The following CACNA1B variants were observed in gnomAD, a reference collection of about 807,000 sequenced individuals.
The protein encoded by CACNA1B is voltage-dependent N-type calcium channel subunit alpha-1B.
A neutral mutation model predicts 247.2 loss-of-function variants in CACNA1B; 70 were observed. The observed-to-expected ratio is 0.28, with a 90% CI of 0.23 to 0.35. CACNA1B has a LOEUF of 0.35. Ranked by LOEUF, CACNA1B falls within the 10% of genes least tolerant of loss-of-function variation. The pLI, the probability that CACNA1B is intolerant of heterozygous loss-of-function variation, is 1.00. For missense variants in CACNA1B, 2,367 were observed against 3,197.4 expected (o/e 0.74, Z 6.26); for synonymous variants, 1,231 against 1,294.4 (o/e 0.95, Z 1.05).
chr9:138,053,780 C>A, intron 25 of CACNA1B, 66 bp from the exon 26 acceptor site: 1 of 1,292,966 alleles, frequency 7.7e-7, no homozygotes, highest in East Asian at 2.3e-5. Flanking sequence ...TACCCTTCCC[C>A]CTCATGGCCC....
chr9:138,023,175 C>G lies in CACNA1B; in HGVS notation c.2432C>G (p.Thr811Arg). ...CGCCACCTGCGGCCCGACATGAAGACGCACCTGGACCGGCCGCTGGTGGTG... is the reference window on the plus strand; with the variant it reads ...CGCCACCTGCGGCCCGACATGAAGAGGCACCTGGACCGGCCGCTGGTGGTG... ...TTRHLRPDMK[T>R]HLDRPLVVEL... is the part of the protein sequence containing the mutation. The change falls in exon 19 of 47, where the codon ACG (threonine) becomes AGG (arginine). Residue 811 changes from threonine to arginine, a missense_variant. This residue lies in a region of CACNA1B where 631 missense variants were observed against 631.1 expected (regional missense o/e 1.00). Coordinates refer to ENST00000371372, the MANE Select transcript of CACNA1B (RefSeq NM_000718.4). 6.5e-7 allele frequency: 1 copy of G among 1,526,792 alleles called. No homozygotes were observed. The highest frequency in any genetic ancestry group is 8.7e-7 in the Non-Finnish European group (1 of 1,144,818). The allele number at this position is 1,526,792 out of a possible 1,614,324, so 94.6% of individuals were successfully genotyped here. A position where few individuals can be genotyped will look rare whatever the true frequency, so the allele number is the denominator to read the frequency against.
In CACNA1B at chr9:138,023,570, C is replaced by T; in HGVS notation, c.2827C>T (p.Pro943Ser). ...CCACCGCGCGCACCGGCACCAGGATCCGAGCAAGGAGTGCGCCGGCGCCAA... is the reference window on the plus strand; with the variant it reads ...CCACCGCGCGCACCGGCACCAGGATTCGAGCAAGGAGTGCGCCGGCGCCAA... ...RRHRAHRHQD[P>S]SKECAGAKGE... is the part of the protein sequence containing the mutation. Residue 943 changes from proline to serine, a missense_variant, in exon 19 of 47, where the codon CCG (proline) becomes TCG (serine). Physicochemically the swap from Pro to Ser is moderately conservative, Grantham distance 74. Around this residue, in one of 12 missense-constraint regions of CACNA1B, gnomAD observed 631 missense variants for 631.1 expected, o/e 1.00. Transcript: ENST00000371372. 1.8e-6 allele frequency: 2 copies of T among 1,092,306 alleles called. No homozygotes were observed. The highest frequency in any genetic ancestry group is 3.0e-5 in the South Asian group (1 of 33,032). The allele number at this position is 1,092,306 out of a possible 1,614,324, so 67.7% of individuals were successfully genotyped here. A position where few individuals can be genotyped will look rare whatever the true frequency, so the allele number is the denominator to read the frequency against.
chr9:138,044,790 C>T (rs775792599), intron 21 of CACNA1B, among the ~76,000 whole-genome samples: 5 of 152,242 alleles, frequency 3.3e-5, no homozygotes, highest in Non-Finnish European at 5.9e-5. Flanking sequence ...ACCACCCAAC[C>T]GTCTTTCTAC....
At chr9:137,901,425 A>G (rs1564881331) in intron 3 of CACNA1B, among the ~76,000 whole-genome samples, 1 of 152,258 alleles carries the variant, frequency 6.6e-6, no homozygotes, top group South Asian at 2.1e-4. Flanking sequence ...TCCCGGGTTC[A>G]AGTGATTTTC....
At chr9:138,044,577 A>G (rs746415145) in intron 21 of CACNA1B, among the ~76,000 whole-genome samples, 3 of 152,200 alleles carry the variant, frequency 2.0e-5, no homozygotes, top group Non-Finnish European at 4.4e-5. Flanking sequence ...CTTAGATGAG[A>G]AGGTCAGGTG....
chr9:138,108,931 C>CGTGA, intron 39 of CACNA1B, among the ~76,000 whole-genome samples: 1 of 152,320 alleles, frequency 6.6e-6, no homozygotes, highest in East Asian at 1.9e-4. Context: ...GGATTACAGG[C>CGTGA]GTGAGCCACT....
chr9:138,023,313 A>G lies in CACNA1B; in HGVS notation c.2570A>G (p.Lys857Arg). 1.3e-6 allele frequency: 2 copies of G among 1,512,342 alleles called. No individual in the cohort carries two copies. Among genetic ancestry groups the G allele is most frequent in the Non-Finnish European group, 1.8e-6 (2 of 1,138,080 alleles). The allele number at this position is 1,512,342 out of a possible 1,614,324, so 93.7% of individuals were successfully genotyped here. A position where few individuals can be genotyped will look rare whatever the true frequency, so the allele number is the denominator to read the frequency against. The change falls in exon 19 of 47, where the codon AAG (lysine) becomes AGG (arginine). Residue 857 changes from lysine (K) to arginine (R), a missense_variant. Physicochemically the swap from Lys to Arg is conservative, Grantham distance 26. Coordinates refer to ENST00000371372, the MANE Select transcript of CACNA1B (RefSeq NM_000718.4). ...CGCAGGCACCACCGGCACCGCGACA[A>G]GGACAAGACCCCCGCGGCGGGGGAC... Reference protein sequence around the residue: ...PPRRHHRHRDKDKTPAAGDQD... With the variant: ...PPRRHHRHRDRDKTPAAGDQD...
intron 6 of CACNA1B, among the ~76,000 whole-genome samples, chr9:137,928,945 A>T (rs1387234732): frequency 6.6e-6 from 1 of 152,122 alleles, no homozygotes; most frequent in East Asian, 1.9e-4. Flanking sequence ...GTCAAGTATG[A>T]TTTTGTTGTG....
In CACNA1B at chr9:138,067,705, T is replaced by C. The variant is rs535380430; in HGVS notation, c.4669-2053T>C. ...CAGAGTAAGACTCTTTCAAAACATA[T>C]AAATAACCAGAACTCTGGCACTGCT... On this transcript the variant is annotated intron_variant, in intron 31 of 46. Coordinates refer to ENST00000371372, the MANE Select transcript of CACNA1B (RefSeq NM_000718.4). Among the ~76,000 whole-genome samples the C allele has an allele frequency of 3.9e-5, 6 of 152,164 alleles. No homozygotes were observed. The South Asian group carries it at 1.2e-3, about 32-fold the overall frequency.
chr9:138,116,970 T>C (rs1250964392), intron 42 of CACNA1B, among the ~76,000 whole-genome samples: 2 of 152,172 alleles, frequency 1.3e-5, no homozygotes, highest in African/African-American at 4.8e-5. Flanking sequence ...CCTTCTGCCA[T>C]CTCTGCGTCC....
At chr9:137,980,582 T>C (rs1958282621) in intron 12 of CACNA1B, among the ~76,000 whole-genome samples, 1 of 152,236 alleles carries the variant, frequency 6.6e-6, no homozygotes, top group Admixed American at 6.5e-5. Context: ...TATTGTGTGA[T>C]GCTGAGGTTT....
chr9:138,122,101 C>A lies in CACNA1B; in HGVS notation c.*102C>A. ...CAGCCGGCCCTCGGGGGAGGCCTTG[C>A]CCACCTTGGTGAGGCTCCTGTGGCC... is the stretch of plus-strand genomic sequence containing the variant. On this transcript the variant is annotated 3_prime_UTR_variant, in exon 47 of 47. Coordinates refer to ENST00000371372, the MANE Select transcript of CACNA1B (RefSeq NM_000718.4). The A allele has an allele frequency of 9.0e-7, 1 of 1,116,156 alleles. No homozygotes were observed. The highest frequency in any genetic ancestry group is 1.2e-6 in the Non-Finnish European group (1 of 801,322). 69.1% of individuals were successfully genotyped at this position (1,116,156 alleles called of 1,614,324 possible). A position where few individuals can be genotyped will look rare whatever the true frequency, so the allele number is the denominator to read the frequency against.
Position 137,970,149 on chromosome 9 carries a change from G to A in CACNA1B, c.1334-1234G>A, listed in dbSNP as rs1311470994. The stretch of plus-strand genomic sequence containing the variant: ...TGGGTGTGCACACATATGCATGTGT[G>A]TACAAACACACAGAAAGTACATGTA... On this transcript the variant is annotated intron_variant, in intron 10 of 46. Transcript: ENST00000371372. 3.3e-5 allele frequency among the ~76,000 whole-genome samples: 5 copies of A among 152,144 alleles called. No homozygotes were observed. In the East Asian group the frequency reaches 9.6e-4, roughly 29 times the overall value.
At chr9:137,991,650 C>T (rs1218580984) in intron 15 of CACNA1B, among the ~76,000 whole-genome samples, 1 of 152,118 alleles carries the variant, frequency 6.6e-6, no homozygotes, top group East Asian at 1.9e-4. Context: ...TATCTGAAGT[C>T]AAGATGAAGG....
intron 41 of CACNA1B, among the ~76,000 whole-genome samples, chr9:138,114,768 T>G (rs1961796008): frequency 6.6e-6 from 1 of 152,104 alleles, no homozygotes; most frequent in Admixed American, 6.5e-5. Flanking sequence ...GTGTCATGGT[T>G]GTTATGGGGT....
At chr9:138,115,954 T>C (rs1158045465) in intron 42 of CACNA1B, among the ~76,000 whole-genome samples, 1 of 152,226 alleles carries the variant, frequency 6.6e-6, no homozygotes, top group Non-Finnish European at 1.5e-5. Context: ...CTGAGAGCAG[T>C]CAAGGGCTCT....
intron 12 of CACNA1B, among the ~76,000 whole-genome samples, chr9:137,981,273 C>A (rs750973356): frequency 6.6e-6 from 1 of 152,140 alleles, no homozygotes; most frequent in South Asian, 2.1e-4. Flanking sequence ...TTTGCTGAGA[C>A]CTTGCCATTA....
At chr9:137,960,151 T>C (rs1319637399) in intron 10 of CACNA1B, among the ~76,000 whole-genome samples, 108 of 63,268 alleles carry the variant, frequency 1.7e-3, no homozygotes, top group South Asian at 2.0e-3. Flanking sequence ...GAGGGGAGCT[T>C]GGCCTGAGGA....
At chr9:138,095,695 T>C (rs562886868) in intron 36 of CACNA1B, among the ~76,000 whole-genome samples, 1 of 152,288 alleles carries the variant, frequency 6.6e-6, no homozygotes, top group African/African-American at 2.4e-5. Flanking sequence ...TGAATCATAA[T>C]AGTCAAAAGG....
Sources: gnomAD v4.1 joint callset for allele counts (sites outside exome capture counted in the v4.1 genomes callset) on GRCh38, gnomAD v4.1.1 for gene constraint, gnomAD v4.1.1 regional missense constraint, MANE v1.5 for transcripts, NCBI Gene and HGNC (gene_info 2026-07-23, HGNC 2026-07-21) for gene names.